Variants in KRT6A observed in about 807,000 individuals in gnomAD.
The protein encoded by KRT6A is keratin, type II cytoskeletal 6A.
A neutral mutation model predicts 48.6 loss-of-function variants in KRT6A; 28 were observed. The observed-to-expected ratio is 0.58, with a 90% CI of 0.43 to 0.79. The LOEUF (loss-of-function observed/expected upper bound fraction) is 0.79. Among genes scored for constraint, KRT6A ranks in the 30% least tolerant of loss-of-function variants. The pLI, the probability that KRT6A is intolerant of heterozygous loss-of-function variation, is 0.00. For synonymous variants in KRT6A, 301 were observed against 294.2 expected (o/e 1.02, Z -0.24); for missense variants, 687 against 724.3 (o/e 0.95, Z 0.59).
chr12:52,491,449 C>A, intron 2 of KRT6A, 73 bp downstream of exon 2: 1 of 1,571,890 alleles, frequency 6.4e-7, no homozygotes, highest in East Asian at 2.2e-5. Context: ...TTACCCCCTT[C>A]TGGCCCTGGT....
Position 52,488,505 on chromosome 12 carries a change from C to G in KRT6A, c.1247G>C (p.Gly416Ala). Residue 416 changes from glycine to alanine, a missense_variant, in exon 7 of 9, where the codon GGG (glycine) becomes GCG (alanine). Around this residue, in one of 3 missense-constraint regions of KRT6A, gnomAD observed 566 missense variants for 565.3 expected, o/e 1.00. Coordinates refer to ENST00000330722, the MANE Select transcript of KRT6A (RefSeq NM_005554.4). ...QAAIADAEQR[G>A]EMALKDAKNK... ...CTTGGCATCCTTGAGGGCCATCTCCCCACGCTGCTCAGCATCAGCAATGGC... is the reference window on the plus strand; with the variant it reads ...CTTGGCATCCTTGAGGGCCATCTCCGCACGCTGCTCAGCATCAGCAATGGC... The G allele has an allele frequency of 6.2e-7, 1 of 1,614,158 alleles. No homozygotes were observed. The highest frequency in any genetic ancestry group is 1.7e-5 in the Admixed American group (1 of 60,018).
intron 1 of KRT6A, among the ~76,000 whole-genome samples, chr12:52,492,058 T>G (rs1382373892): frequency 6.6e-6 from 1 of 152,170 alleles, no homozygotes; most frequent in Admixed American, 6.5e-5. Context: ...ATCTGATAAA[T>G]TTTACACAGT....
intron 7 of KRT6A, 49 bp from the exon 8 acceptor site, chr12:52,488,152 C>T: frequency 1.2e-6 from 2 of 1,613,960 alleles, no homozygotes; most frequent in Non-Finnish European, 1.7e-6. Context: ...GCTCTTCCTT[C>T]CCTGGACCAG....
At chr12:52,490,354 G>A (rs1169431688) in intron 5 of KRT6A, 4 of 949,034 alleles carry the variant, frequency 4.2e-6, no homozygotes, top group South Asian at 1.6e-5. Flanking sequence ...AGATGACTAT[G>A]TCCTTGTCTA....
chr12:52,490,477 C>T, intron 5 of KRT6A, 92 bp downstream of exon 5: 1 of 1,594,272 alleles, frequency 6.3e-7, no homozygotes, highest in Non-Finnish European at 8.6e-7. Context: ...ACCCCAGCTT[C>T]CTGTCAGGGG....
At position 52,490,642 on chromosome 12, in the gene KRT6A, G is replaced by C. The variant is rs374286502; in HGVS notation, c.1004C>G (p.Ala335Gly). ...NRNLDLDSII[A>G]EVKAQYEEIA... ...CTCCTCATATTGGGCCTTGACCTCA[G>C]CGATGATGCTGTCCAGGTCCAGGTT... Residue 335 changes from alanine to glycine, a missense_variant, in exon 5 of 9, where the codon GCT (alanine) becomes GGT (glycine). Transcript: ENST00000330722. The C allele has an allele frequency of 8.1e-6, 13 of 1,614,224 alleles. No individual in the cohort carries two copies. In the African/African-American group the frequency reaches 1.6e-4, roughly 20 times the overall value.
At chr12:52,491,428 T>A (rs1323434384) in intron 2 of KRT6A, 94 bp downstream of exon 2, 1 of 1,493,498 alleles carries the variant, frequency 6.7e-7, no homozygotes, top group Non-Finnish European at 9.3e-7. Flanking sequence ...GGACATGGGT[T>A]GTTAGGAATA....
chr12:52,492,762 T>A lies in KRT6A; in HGVS notation c.427A>T (p.Ser143Cys), dbSNP rs1180444899. ...GGIQEVTVNQ[S>C]LLTPLNLQID... ...TGCAGGTTGAGGGGAGTCAGGAGAC[T>A]CTGGTTGACGGTGACCTCTTGGATG... Residue 143 changes from serine to cysteine, a missense_variant, in exon 1 of 9, where the codon AGT (serine) becomes TGT (cysteine). Around this residue, in one of 3 missense-constraint regions of KRT6A, gnomAD observed 566 missense variants for 565.3 expected, o/e 1.00. Transcript: ENST00000330722. 6.2e-7 allele frequency: 1 copy of A among 1,613,486 alleles called. No homozygotes were observed. The highest frequency in any genetic ancestry group is 1.1e-5 in the South Asian group (1 of 91,004).
chr12:52,490,788 C>T, intron 4 of KRT6A, 55 bp from the exon 5 acceptor site: 1 of 1,614,036 alleles, frequency 6.2e-7, no homozygotes, highest in Admixed American at 1.7e-5. Context: ...ACAGAGATAC[C>T]CAACCCTATA....
intron 5 of KRT6A, chr12:52,490,328 G>A (rs1938237653): frequency 2.2e-6 from 2 of 920,826 alleles, no homozygotes; most frequent in South Asian, 3.2e-5. Flanking sequence ...AGCAATCAGG[G>A]TGAAGCTAAA....
At chr12:52,492,544 C>G in intron 1 of KRT6A, 105 bp downstream of exon 1, 1 of 1,599,518 alleles carries the variant, frequency 6.3e-7, no homozygotes, top group Non-Finnish European at 8.6e-7. Context: ...CAGAGCTGGG[C>G]TGAGTCCTCT....
intron 1 of KRT6A, 62 bp downstream of exon 1, chr12:52,492,587 G>A (rs17099719): frequency 0.059 from 94,954 of 1,613,490 alleles, 3,162 homozygotes; most frequent in Middle Eastern, 0.13. Flanking sequence ...CTGGCAGGAA[G>A]GTGTTGCTCC....
chr12:52,488,684 G>GTTTT, intron 6 of KRT6A, 136 bp from the exon 7 acceptor site: 16 of 1,028,566 alleles, frequency 1.6e-5, no homozygotes, highest in Non-Finnish European at 2.0e-5. Context: ...CCTATCTATT[G>GTTTT]TTTTTTTTTT....
chr12:52,491,784 A>G, intron 1 of KRT6A, 48 bp from the exon 2 acceptor site: 1 of 1,612,064 alleles, frequency 6.2e-7, no homozygotes, highest in Non-Finnish European at 8.5e-7. Context: ...GAAGGAAGAA[A>G]AAGTGTCTGG....
In KRT6A at chr12:52,489,829, C is replaced by T; in HGVS notation, c.1203+114G>A. 2.6e-6 allele frequency: 4 copies of T among 1,553,558 alleles called. No homozygotes were observed. In the South Asian group the frequency reaches 4.7e-5, roughly 18 times the overall value. ...ACCCACTAAGGGTAGGAAATGATAG[C>T]CTCCTCTCCCTGGTTTTGATAAGTT... On this transcript the variant is annotated intron_variant, in intron 6 of 8. Coordinates refer to ENST00000330722, the MANE Select transcript of KRT6A (RefSeq NM_005554.4).
Position 52,487,705 on chromosome 12 carries a change from G to C in KRT6A, c.*15C>G. 6.2e-7 allele frequency: 1 copy of C among 1,614,186 alleles called. No individual in the cohort carries two copies. The highest frequency in any genetic ancestry group is 8.5e-7 in the Non-Finnish European group (1 of 1,180,028). On this transcript the variant is annotated 3_prime_UTR_variant, in exon 9 of 9. Coordinates refer to ENST00000330722, the MANE Select transcript of KRT6A (RefSeq NM_005554.4). ...GGGCCTGAGGACTGTGGGACCGAGA[G>C]CTAGCAGACGCACTTTAGTGCTTAT...
chr12:52,490,219 A>G, intron 5 of KRT6A, 151 bp from the exon 6 acceptor site: 3 of 1,449,928 alleles, frequency 2.1e-6, no homozygotes, highest in East Asian at 4.6e-5. Flanking sequence ...TGGTTGGTGG[A>G]TACTAAACAC....
At position 52,487,215 on chromosome 12, in the gene KRT6A, C is replaced by T. The variant is rs1054122; in HGVS notation, c.*505G>A. 44,233 of 162,390 alleles carry T rather than the reference C, an allele frequency of 0.27. 7,481 individuals are homozygous for T. The highest frequency in any genetic ancestry group is 0.5 in the East Asian group (2,880 of 5,704). 10.1% of individuals were successfully genotyped at this position (162,390 alleles called of 1,614,324 possible). ...TGCTTTATTTAGCAATTGCAAACAG[C>T]GAAGAGCACAGAAATCATCACAGAG... On this transcript the variant is annotated 3_prime_UTR_variant, in exon 9 of 9. Coordinates refer to ENST00000330722, the MANE Select transcript of KRT6A (RefSeq NM_005554.4).
In KRT6A at chr12:52,492,956, G is replaced by A. The variant is rs557885841; in HGVS notation, c.233C>T (p.Ala78Val). Reference protein sequence around the residue: ...KRISIGGGSCAISGGYGSRAG... With the variant: ...KRISIGGGSCVISGGYGSRAG... ...TCTGCTGCCATAGCCGCCACTGATG[G>A]CACAGCTGCCCCCTCCAATGGAGAT... Residue 78 changes from alanine (A) to valine (V), a missense_variant, in exon 1 of 9, where the codon GCC becomes GTC. Coordinates refer to ENST00000330722, the MANE Select transcript of KRT6A (RefSeq NM_005554.4). The A allele has an allele frequency of 4.5e-4, 726 of 1,609,646 alleles. 7 individuals are homozygous for A. In the South Asian group the frequency reaches 7.4e-3, roughly 16 times the overall value.
Sources: allele counts gnomAD v4.1 joint callset (sites outside exome capture counted in the v4.1 genomes callset), GRCh38; gene constraint gnomAD v4.1.1; regional missense constraint gnomAD v4.1.1; transcripts MANE v1.5; gene names NCBI Gene and HGNC (gene_info 2026-07-23, HGNC 2026-07-21).